CSMD1: variants seen among roughly 807,000 people sequenced by gnomAD.
The protein encoded by CSMD1 is CUB and sushi domain-containing protein 1.
A neutral mutation model predicts 417.5 loss-of-function variants in CSMD1; 213 were observed. The observed-to-expected ratio is 0.51, with a 90% CI of 0.46 to 0.57. The LOEUF is 0.57. Among genes scored for constraint, CSMD1 ranks in the 20% least tolerant of loss-of-function variants. CSMD1 has a pLI of 0.00. For synonymous variants in CSMD1, 2,862 were observed against 1,736.8 expected (o/e 1.65, Z -16.11); for missense variants, 6,923 against 4,529.7 (o/e 1.53, Z -15.17).
intron 3 of CSMD1, among the ~76,000 whole-genome samples, chr8:4,097,503 A>C (rs918917): frequency 0.22 from 33,956 of 152,096 alleles, 4,701 homozygotes; most frequent in African/African-American, 0.38. Flanking sequence ...ATTCCCTTTG[A>C]ATGTCTTGTT....
chr8:4,623,647 T>TA lies in CSMD1; in HGVS notation c.302+13694dup, dbSNP rs1048670626. Among the ~76,000 whole-genome samples the TA allele has an allele frequency of 7.6e-4, 116 of 152,258 alleles. 1 individual carries two copies. Among genetic ancestry groups the TA allele is most frequent in the African/African-American group, 2.2e-3 (91 of 41,532 alleles). ...TGTATATTGGAATTCTGCTTAACCA[T>TA]AAAAAATGTACCATTTTTATATGAA... On this transcript the variant is annotated intron_variant, in intron 2 of 69. Transcript: ENST00000635120.
At chr8:3,859,540 C>A (rs750528742) in intron 5 of CSMD1, among the ~76,000 whole-genome samples, 3 of 152,074 alleles carry the variant, frequency 2.0e-5, no homozygotes, top group Non-Finnish European at 4.4e-5. Context: ...GATTTCAGGG[C>A]GAGGCTAACT....
intron 3 of CSMD1, among the ~76,000 whole-genome samples, chr8:4,200,863 AATG>A (rs1297259892): frequency 3.3e-5 from 5 of 151,708 alleles, no homozygotes; most frequent in African/African-American, 9.8e-5. Context: ...GTCTCAAAAT[AATG>A]ATGATAATAA....
intron 23 of CSMD1, among the ~76,000 whole-genome samples, chr8:3,313,970 G>A (rs529786843): frequency 1.6e-3 from 247 of 152,280 alleles, no homozygotes; most frequent in Non-Finnish European, 1.4e-3. Flanking sequence ...GTCCTTTGTA[G>A]GGACATGGAT....
chr8:4,464,213 G>A (rs372213277), intron 2 of CSMD1, among the ~76,000 whole-genome samples: 6 of 152,228 alleles, frequency 3.9e-5, no homozygotes, highest in Admixed American at 2.0e-4. Context: ...GACCCAGTTT[G>A]GATTTCACTG....
chr8:4,538,562 G>C (rs139450331), intron 2 of CSMD1, among the ~76,000 whole-genome samples: 11,267 of 151,908 alleles, frequency 0.074, 512 homozygotes, highest in South Asian at 0.13. Context: ...AGAATCGCTT[G>C]AACCCAGGAG....
rs1001184714 is a variant in CSMD1 at position 3,262,536 on chromosome 8, A to T, written c.4153+21608T>A. Reference sequence around the variant, plus strand: ...CTATAAATGCTATTACTTCGGGCCAAATGAAAAAAAAAAGAAAAAGAAAAA... The same window carrying T: ...CTATAAATGCTATTACTTCGGGCCATATGAAAAAAAAAAGAAAAAGAAAAA... On this transcript the variant is annotated intron_variant, in intron 26 of 69. Transcript: ENST00000635120. 4.0e-4 allele frequency among the ~76,000 whole-genome samples: 60 copies of T among 151,678 alleles called. 1 individual carries two copies. Among genetic ancestry groups the T allele is most frequent in the Non-Finnish European group, 1.5e-5 (1 of 67,902 alleles).
intron 7 of CSMD1, among the ~76,000 whole-genome samples, chr8:3,634,821 G>A (rs2128214): frequency 0.38 from 57,049 of 151,890 alleles, 11,296 homozygotes; most frequent in Middle Eastern, 0.57. Flanking sequence ...TTCCTTAGGC[G>A]ATTCTTGACG....
Position 3,170,783 on chromosome 8 carries a change from T to C in CSMD1, c.5726-8506A>G, listed in dbSNP as rs186945852. Among the ~76,000 whole-genome samples the C allele has an allele frequency of 4.8e-3, 734 of 152,360 alleles. 3 individuals carry two copies. The highest frequency in any genetic ancestry group is 0.014 in the African/African-American group (574 of 41,594). On this transcript the variant is annotated intron_variant, in intron 37 of 69. Coordinates refer to ENST00000635120, the MANE Select transcript of CSMD1 (RefSeq NM_033225.6). ...GTAAGTTTGTATTTAAAATGGACTA[T>C]TGAAAACAAGATATGGTCACAGAAT...
intron 12 of CSMD1, among the ~76,000 whole-genome samples, chr8:3,439,309 A>ATATATATATATATATATATATATATT: frequency 1.9e-4 from 12 of 62,450 alleles, no homozygotes; most frequent in East Asian, 5.7e-4. Context: ...ATATATATAT[A>ATATATATATATATATATATATATATT]TTTTTTTTTT....
chr8:3,477,785 A>G (rs559527222), intron 11 of CSMD1, among the ~76,000 whole-genome samples: 3 of 152,290 alleles, frequency 2.0e-5, no homozygotes, highest in African/African-American at 7.2e-5. Flanking sequence ...GAGAGCAAGT[A>G]AAGTGAGTTA....
At chr8:4,712,878 C>A (rs1584982936) in intron 1 of CSMD1, among the ~76,000 whole-genome samples, 2 of 152,104 alleles carry the variant, frequency 1.3e-5, no homozygotes, top group South Asian at 2.1e-4. Flanking sequence ...GACATCCATG[C>A]CGATGGATGG....
intron 11 of CSMD1, among the ~76,000 whole-genome samples, chr8:3,476,403 G>A (rs1051720753): frequency 6.6e-6 from 1 of 152,114 alleles, no homozygotes; most frequent in Non-Finnish European, 1.5e-5. Flanking sequence ...TATGAATAGA[G>A]TTACTATAAA....
intron 3 of CSMD1, among the ~76,000 whole-genome samples, chr8:4,047,246 C>T (rs78271163): frequency 6.6e-6 from 1 of 152,038 alleles, no homozygotes; most frequent in African/African-American, 2.4e-5. Context: ...TCAAAGTCAT[C>T]TAAGTGGTAG....
At chr8:3,455,312 C>T (rs1485176453) in intron 12 of CSMD1, among the ~76,000 whole-genome samples, 2 of 152,202 alleles carry the variant, frequency 1.3e-5, no homozygotes, top group Non-Finnish European at 2.9e-5. Context: ...TCTCTCAACT[C>T]ATCAAAGTCA....
intron 3 of CSMD1, among the ~76,000 whole-genome samples, chr8:4,372,134 T>C (rs2128913454): frequency 6.6e-6 from 1 of 152,370 alleles, no homozygotes; most frequent in Non-Finnish European, 1.5e-5. Context: ...ATTAGCATTT[T>C]TCTATGTGCA....
chr8:4,781,038 C>T (rs1264241508), intron 1 of CSMD1, among the ~76,000 whole-genome samples: 1 of 152,148 alleles, frequency 6.6e-6, no homozygotes, highest in Non-Finnish European at 1.5e-5. Flanking sequence ...ATAGCTTTTC[C>T]TGCTTCTGAA....
At chr8:4,826,017 AC>A (rs1295884911) in intron 1 of CSMD1, among the ~76,000 whole-genome samples, 1 of 151,938 alleles carries the variant, frequency 6.6e-6, no homozygotes, top group Non-Finnish European at 1.5e-5. Context: ...AGAAATTAGA[AC>A]CCTTTTTCAC....
At chr8:4,428,677 T>C (rs184209239) in intron 2 of CSMD1, among the ~76,000 whole-genome samples, 2 of 152,294 alleles carry the variant, frequency 1.3e-5, no homozygotes, top group East Asian at 1.9e-4. Context: ...GATAATGTCA[T>C]ATTAATAATC....
Sources: gnomAD v4.1 joint callset for allele counts (sites outside exome capture counted in the v4.1 genomes callset) on GRCh38, gnomAD v4.1.1 for gene constraint, MANE v1.5 for transcripts, NCBI Gene and HGNC (gene_info 2026-07-23, HGNC 2026-07-21) for gene names.